MAF: variants seen among roughly 807,000 people sequenced by gnomAD.
MAF encodes the protein transcription factor Maf.
Under a neutral mutation model 22.0 loss-of-function variants are expected in MAF, and 10 were observed. That is an observed-to-expected ratio of 0.45 (90% CI 0.28 to 0.77). The LOEUF (loss-of-function observed/expected upper bound fraction) is 0.77, where lower values mean the gene tolerates loss of function less well. Ranked by LOEUF, MAF falls within the 30% of genes least tolerant of loss-of-function variation. The pLI is 0.12. For synonymous variants in MAF, 337 were observed against 255.8 expected, an observed-to-expected ratio of 1.32 and a Z score of -3.03; for missense variants, 544 against 548.4, an observed-to-expected ratio of 0.99 and a Z score of 0.08.
At position 79,598,856 on chromosome 16, in the gene MAF, C is replaced by G; in HGVS notation, c.1047G>C (p.Glu349Asp). 6.2e-7 allele frequency: 1 copy of G among 1,613,892 alleles called. No homozygotes were observed. The highest frequency in any genetic ancestry group is 1.1e-5 in the South Asian group (1 of 91,050). ...RERDAYKEKY[E>D]KLVSSGFREN... ...CTCGGAAGCCGCTGCTCACCAACTT[C>G]TCGTATTTCTCCTTGTACGCGTCCC... The change falls in exon 1 of 2, where the codon GAG (glutamate) becomes GAC (aspartate). Residue 349 changes from glutamate to aspartate, a missense_variant. Physicochemically the swap from Glu to Asp is conservative, Grantham distance 45. Transcript: ENST00000326043.
the MAF span, among the ~76,000 whole-genome samples, chr16:79,414,167 A>C: frequency 6.6e-6 from 1 of 152,208 alleles, no homozygotes; most frequent in African/African-American, 2.4e-5. Flanking sequence ...GCCAGACACT[A>C]AACCAAGTGT....
At chr16:79,214,244 T>C in the MAF span, among the ~76,000 whole-genome samples, 6 of 152,330 alleles carry the variant, frequency 3.9e-5, no homozygotes, top group African/African-American at 1.2e-4. Context: ...AGAAACTCCA[T>C]GAAATTTGTC....
the MAF span, among the ~76,000 whole-genome samples, chr16:79,470,736 T>C: frequency 6.6e-6 from 1 of 152,182 alleles, no homozygotes; most frequent in Admixed American, 6.5e-5. Context: ...TCCAACACGA[T>C]GCTGGGGCCA....
chr16:79,454,445 G>A, the MAF span, among the ~76,000 whole-genome samples: 1 of 152,156 alleles, frequency 6.6e-6, no homozygotes, highest in Non-Finnish European at 1.5e-5. Context: ...ACTTGTCACA[G>A]ACACCATTCC....
At chr16:79,331,827 C>T in the MAF span, among the ~76,000 whole-genome samples, 1 of 152,186 alleles carries the variant, frequency 6.6e-6, no homozygotes, top group Non-Finnish European at 1.5e-5. Flanking sequence ...GCCTAGAATG[C>T]TCCTCCTCAG....
At chr16:79,346,710 C>T in the MAF span, among the ~76,000 whole-genome samples, 2 of 152,116 alleles carry the variant, frequency 1.3e-5, no homozygotes, top group Non-Finnish European at 2.9e-5. Context: ...GCCAGTACCC[C>T]ATATTCATAG....
the MAF span, among the ~76,000 whole-genome samples, chr16:79,313,823 CA>C: frequency 7.9e-5 from 12 of 152,096 alleles, no homozygotes; most frequent in African/African-American, 2.9e-4. Context: ...GGCTTGGAGT[CA>C]GGGGGATAGA....
the MAF span, among the ~76,000 whole-genome samples, chr16:79,517,826 C>T: frequency 2.0e-5 from 3 of 152,102 alleles, no homozygotes; most frequent in Admixed American, 6.5e-5. Context: ...CCACCCGCCT[C>T]GGCCTCCCAA....
At chr16:79,271,596 G>A in the MAF span, among the ~76,000 whole-genome samples, 1 of 152,082 alleles carries the variant, frequency 6.6e-6, no homozygotes, top group Non-Finnish European at 1.5e-5. Context: ...CCCCTCAATT[G>A]CTTATTTTCT....
the MAF span, among the ~76,000 whole-genome samples, chr16:79,411,180 T>C: frequency 1.3e-5 from 2 of 152,178 alleles, no homozygotes; most frequent in African/African-American, 4.8e-5. Flanking sequence ...TTGTTCGCCT[T>C]GCAGTTTTCT....
chr16:79,599,234 G>T lies in MAF; in HGVS notation c.669C>A (p.Ser223Arg), dbSNP rs1597848192. 5.1e-6 allele frequency: 5 copies of T among 978,374 alleles called. No homozygotes were observed. Among genetic ancestry groups the T allele is most frequent in the Non-Finnish European group, 6.0e-6 (5 of 827,156 alleles). The allele number at this position is 978,374 out of a possible 1,614,324, so 60.6% of individuals were successfully genotyped here. The change falls in exon 1 of 2, where the codon AGC (serine) becomes AGA (arginine). Residue 223 changes from serine to arginine, a missense_variant. Ser to Arg is a moderately radical substitution (Grantham distance 110, BLOSUM62 -1). Around this residue, in one of 5 missense-constraint regions of MAF, gnomAD observed 342 missense variants for 315.5 expected, o/e 1.08. Transcript: ENST00000326043. The stretch of plus-strand genomic sequence containing the variant: ...CGCCGCCGCCGCCGCCGCCCCCAGC[G>T]CTGGCCGGGCCACCGCCGCCCGCGC... ...AGGAGGGGPASAGGGGGGGGG... is the reference protein window; with the variant it reads ...AGGAGGGGPARAGGGGGGGGG...
At chr16:79,493,011 T>G in the MAF span, among the ~76,000 whole-genome samples, 4 of 151,542 alleles carry the variant, frequency 2.6e-5, no homozygotes, top group East Asian at 7.8e-4. Context: ...CAGGCTGGAG[T>G]GCAGTGGCAC....
the MAF span, among the ~76,000 whole-genome samples, chr16:79,503,450 T>C: frequency 6.6e-6 from 1 of 152,224 alleles, no homozygotes. Flanking sequence ...CATAAAATTC[T>C]TTAGGACTGA....
chr16:79,296,997 C>T, the MAF span, among the ~76,000 whole-genome samples: 1 of 152,210 alleles, frequency 6.6e-6, no homozygotes, highest in Non-Finnish European at 1.5e-5. Context: ...AGGGAACATA[C>T]ATTTTGCACG....
At chr16:79,352,499 A>G in the MAF span, among the ~76,000 whole-genome samples, 92 of 152,310 alleles carry the variant, frequency 6.0e-4, no homozygotes, top group African/African-American at 2.1e-3. Context: ...GGAATCCCAT[A>G]AAATAATAAC....
chr16:79,439,235 C>A, the MAF span, among the ~76,000 whole-genome samples: 1 of 151,192 alleles, frequency 6.6e-6, no homozygotes, highest in Non-Finnish European at 1.5e-5. Flanking sequence ...CCATCCCTAT[C>A]GTCCTATGGG....
the MAF span, among the ~76,000 whole-genome samples, chr16:79,261,509 T>A: frequency 6.6e-6 from 1 of 152,188 alleles, no homozygotes; most frequent in Non-Finnish European, 1.5e-5. Context: ...TCAGTAAATA[T>A]TTAACAAATT....
the MAF span, among the ~76,000 whole-genome samples, chr16:79,376,319 C>T: frequency 7.2e-5 from 11 of 151,940 alleles, no homozygotes; most frequent in African/African-American, 2.4e-4. Context: ...AACTTCTTTG[C>T]TTTTCTTCAA....
At chr16:79,207,782 T>G in the MAF span, among the ~76,000 whole-genome samples, 2 of 101,136 alleles carry the variant, frequency 2.0e-5, no homozygotes, top group African/African-American at 5.7e-5. Flanking sequence ...TATCAATATG[T>G]GGGTGCTTTT....
Sources: allele counts gnomAD v4.1 joint callset (sites outside exome capture counted in the v4.1 genomes callset), GRCh38; gene constraint gnomAD v4.1.1; regional missense constraint gnomAD v4.1.1; transcripts MANE v1.5; gene names NCBI Gene and HGNC (gene_info 2026-07-23, HGNC 2026-07-21).